Variants in MAF observed in about 807,000 individuals in gnomAD.
The protein encoded by MAF is MAF bZIP transcription factor, also known as transcription factor Maf.
MAF carries 10 observed loss-of-function variants against 22.0 expected under a neutral mutation model. That is an observed-to-expected ratio of 0.45 (90% CI 0.28 to 0.77). MAF has a LOEUF of 0.77. MAF is among the 30% of genes least tolerant of loss of function. The pLI, the probability that MAF is intolerant of heterozygous loss-of-function variation, is 0.12. For synonymous variants in MAF, 337 were observed against 255.8 expected (o/e 1.32, Z -3.03); for missense variants, 544 against 548.4 (o/e 0.99, Z 0.08).
At chr16:79,392,324 G>A in the MAF span, among the ~76,000 whole-genome samples, 17 of 147,760 alleles carry the variant, frequency 1.2e-4, no homozygotes, top group African/African-American at 4.0e-4. Context: ...AGAGGGAGGA[G>A]GAGGGGAGAG....
the MAF span, chr16:79,206,690 TTTGGTGGAAG>T: frequency 6.6e-6 from 1 of 152,172 alleles, no homozygotes; most frequent in Admixed American, 6.5e-5. Flanking sequence ...TTCCCATCAT[TTTGGTGGAAG>T]TTGGTGTGTT....
At chr16:79,445,348 A>G in the MAF span, among the ~76,000 whole-genome samples, 1 of 152,108 alleles carries the variant, frequency 6.6e-6, no homozygotes, top group Non-Finnish European at 1.5e-5. Context: ...CGGCCAACAT[A>G]CAGATGTTTT....
the MAF span, among the ~76,000 whole-genome samples, chr16:79,298,208 G>C: frequency 2.0e-5 from 3 of 152,230 alleles, no homozygotes; most frequent in African/African-American, 7.2e-5. Context: ...ATGGGGACTT[G>C]CGTCCCCAGG....
chr16:79,451,263 G>C, the MAF span, among the ~76,000 whole-genome samples: 29 of 152,284 alleles, frequency 1.9e-4, no homozygotes, highest in Admixed American at 1.4e-3. Flanking sequence ...GTAGTTATGT[G>C]GTAGGCATTT....
chr16:79,207,898 C>G, the MAF span, among the ~76,000 whole-genome samples: 1 of 152,024 alleles, frequency 6.6e-6, no homozygotes, highest in Non-Finnish European at 1.5e-5. Flanking sequence ...TGATGGCTAG[C>G]AGTTATCAAA....
At position 79,599,488 on chromosome 16, in the gene MAF, C is replaced by G. The variant is rs2143812590; in HGVS notation, c.415G>C (p.Ala139Pro). The G allele has an allele frequency of 2.1e-6, 3 of 1,421,430 alleles. No homozygotes were observed. Among genetic ancestry groups the G allele is most frequent in the Non-Finnish European group, 2.7e-6 (3 of 1,095,932 alleles). 88.1% of individuals were successfully genotyped at this position (1,421,430 alleles called of 1,614,324 possible). ...DGYARGAQQL[A>P]AAAGAGAGAS... ...CCGGCACCGGCCCCGGCCGCCGCGG[C>G]CAGCTGCTGCGCCCCGCGCGCGTAG... Residue 139 changes from alanine to proline, a missense_variant, in exon 1 of 2, where the codon GCC becomes CCC. Coordinates refer to ENST00000326043, the MANE Select transcript of MAF (RefSeq NM_005360.5).
At chr16:79,229,632 G>C in the MAF span, among the ~76,000 whole-genome samples, 1 of 152,054 alleles carries the variant, frequency 6.6e-6, no homozygotes, top group Non-Finnish European at 1.5e-5. Flanking sequence ...AGGACAAGGC[G>C]AACAGACTCG....
At chr16:79,306,298 A>T in the MAF span, among the ~76,000 whole-genome samples, 2 of 152,182 alleles carry the variant, frequency 1.3e-5, no homozygotes, top group Non-Finnish European at 2.9e-5. Flanking sequence ...TCTGCTTCTC[A>T]TGGCAAAATG....
chr16:79,253,317 G>C, the MAF span, among the ~76,000 whole-genome samples: 1 of 152,190 alleles, frequency 6.6e-6, no homozygotes, highest in African/African-American at 2.4e-5. Flanking sequence ...GTTATTGGCT[G>C]AGCTCCCGGG....
chr16:79,569,357 G>A, the MAF span, among the ~76,000 whole-genome samples: 3 of 152,192 alleles, frequency 2.0e-5, no homozygotes, highest in Non-Finnish European at 2.9e-5. Context: ...CTCCAGTTGA[G>A]ACCCATTGCT....
chr16:79,269,393 G>A, the MAF span, among the ~76,000 whole-genome samples: 1 of 152,128 alleles, frequency 6.6e-6, no homozygotes, highest in Non-Finnish European at 1.5e-5. Context: ...TGGCCGTGAA[G>A]CCCTTCTCAG....
the MAF span, among the ~76,000 whole-genome samples, chr16:79,449,198 T>C: frequency 4.6e-5 from 7 of 152,280 alleles, 1 homozygote; most frequent in Admixed American, 1.3e-4. Flanking sequence ...GCGGTGGTAA[T>C]GCCAAGTGAC....
At chr16:79,407,423 T>A in the MAF span, among the ~76,000 whole-genome samples, 2 of 152,312 alleles carry the variant, frequency 1.3e-5, no homozygotes, top group South Asian at 4.1e-4. Flanking sequence ...AAAACTGCTC[T>A]TTGTTCTGTT....
At chr16:79,506,388 T>C in the MAF span, among the ~76,000 whole-genome samples, 1 of 152,150 alleles carries the variant, frequency 6.6e-6, no homozygotes, top group Non-Finnish European at 1.5e-5. Flanking sequence ...AGAGAGTGGC[T>C]CAACCTCAGA....
the MAF span, among the ~76,000 whole-genome samples, chr16:79,349,517 G>A: frequency 6.6e-6 from 1 of 152,096 alleles, no homozygotes; most frequent in African/African-American, 2.4e-5. Flanking sequence ...CAACCCATTC[G>A]GGTTTCACTC....
chr16:79,359,472 G>C, the MAF span, among the ~76,000 whole-genome samples: 1 of 152,176 alleles, frequency 6.6e-6, no homozygotes, highest in Admixed American at 6.5e-5. Context: ...AAGTTGATCA[G>C]ATCATCCACT....
At chr16:79,481,309 G>A in the MAF span, among the ~76,000 whole-genome samples, 2,914 of 151,828 alleles carry the variant, frequency 0.019, 46 homozygotes, top group Non-Finnish European at 0.033. Context: ...AAAGTGAGAA[G>A]TTTAATGGGC....
chr16:79,324,543 A>T, the MAF span, among the ~76,000 whole-genome samples: 1 of 152,156 alleles, frequency 6.6e-6, no homozygotes, highest in Non-Finnish European at 1.5e-5. Flanking sequence ...ATGACCATAT[A>T]AGCAAGCATT....
At chr16:79,223,361 C>A in the MAF span, among the ~76,000 whole-genome samples, 2 of 152,136 alleles carry the variant, frequency 1.3e-5, no homozygotes, top group Non-Finnish European at 2.9e-5. Context: ...ACATTTAAAC[C>A]AGTGTGTAGA....
Sources: gnomAD v4.1 joint callset for allele counts (sites outside exome capture counted in the v4.1 genomes callset) on GRCh38, gnomAD v4.1.1 for gene constraint, MANE v1.5 for transcripts, NCBI Gene and HGNC (gene_info 2026-07-23, HGNC 2026-07-21) for gene names.